The following FRYL variants were observed in gnomAD, a reference collection of about 807,000 sequenced individuals.
FRYL encodes the protein FRY like transcription coactivator.
A neutral mutation model predicts 351.2 loss-of-function variants in FRYL; 150 were observed. The ratio of observed to expected loss-of-function variants is 0.43; its 90% CI spans 0.37 to 0.49. The LOEUF (loss-of-function observed/expected upper bound fraction) is 0.49. Among genes scored for constraint, FRYL ranks in the 20% least tolerant of loss-of-function variants. FRYL has a pLI of 0.00. For synonymous variants in FRYL, 1,153 were observed against 1,257.1 expected, an observed-to-expected ratio of 0.92 and a Z score of 1.75; for missense variants, 3,036 against 3,619.3, an observed-to-expected ratio of 0.84 and a Z score of 4.13.
chr4:48,677,876 G>C (rs1337775759), intron 3 of FRYL, among the ~76,000 whole-genome samples: 2 of 152,008 alleles, frequency 1.3e-5, no homozygotes, highest in Non-Finnish European at 2.9e-5. Context: ...TCTCCTTTCA[G>C]TAAATGAACA....
chr4:48,552,284 T>TGTGTGTGTGTGTG, intron 36 of FRYL, among the ~76,000 whole-genome samples: 1 of 142,090 alleles, frequency 7.0e-6, no homozygotes, highest in African/African-American at 2.6e-5. Context: ...TGTGTGTGTG[T>TGTGTGTGTGTGTG]TCAGACACAC....
intron 60 of FRYL, among the ~76,000 whole-genome samples, chr4:48,504,439 T>A (rs949495947): frequency 6.6e-6 from 1 of 152,104 alleles, no homozygotes; most frequent in African/African-American, 2.4e-5. Flanking sequence ...TATAAACACC[T>A]AGTTTTTGTA....
At chr4:48,653,975 T>C (rs1290321978) in intron 3 of FRYL, 3 of 1,137,674 alleles carry the variant, frequency 2.6e-6, no homozygotes, top group Admixed American at 3.8e-5. Context: ...ACAACTATAG[T>C]GGAAATGCCG....
At chr4:48,545,837 TTC>T (rs1332688556) in intron 42 of FRYL, among the ~76,000 whole-genome samples, 2 of 152,232 alleles carry the variant, frequency 1.3e-5, no homozygotes, top group African/African-American at 4.8e-5. Context: ...ATAATACTCA[TTC>T]TCTTTGGCCA....
chr4:48,628,529 G>A (rs1007558020), intron 4 of FRYL, among the ~76,000 whole-genome samples: 5 of 151,606 alleles, frequency 3.3e-5, no homozygotes, highest in Non-Finnish European at 7.4e-5. Context: ...GAGGGGTAGG[G>A]GAAAGAGAGG....
chr4:48,521,031 C>A lies in FRYL; in HGVS notation c.7689+17G>T. ...AGAGCCCAGATTGGCCATGCACCAG[C>A]CTCCATTTCTCCCCACCTCAGGCAG... On this transcript the variant is annotated intron_variant, in intron 55 of 63. Transcript: ENST00000358350. 1 of 1,591,658 alleles carries A rather than the reference C, an allele frequency of 6.3e-7. No individual in the cohort carries two copies. The highest frequency in any genetic ancestry group is 8.6e-7 in the Non-Finnish European group (1 of 1,168,250).
chr4:48,576,305 T>A, intron 23 of FRYL, 83 bp from the exon 24 acceptor site: 13 of 218,744 alleles, frequency 5.9e-5, no homozygotes, highest in Non-Finnish European at 8.5e-5. Flanking sequence ...GCTAAATTTC[T>A]TTTTTTTTTT....
At chr4:48,515,334 ACAAT>A in intron 55 of FRYL, 59 bp from the exon 56 acceptor site, 1 of 1,273,198 alleles carries the variant, frequency 7.9e-7, no homozygotes, top group Non-Finnish European at 1.1e-6. Context: ...ATTTTACAAC[ACAAT>A]AAATAAGTAT....
At chr4:48,651,774 C>G (rs1192972096) in intron 3 of FRYL, among the ~76,000 whole-genome samples, 1 of 152,132 alleles carries the variant, frequency 6.6e-6, no homozygotes, top group East Asian at 1.9e-4. Context: ...AACCCCTCCC[C>G]CTATGAGTTG....
intron 32 of FRYL, among the ~76,000 whole-genome samples, chr4:48,562,426 A>G (rs547563074): frequency 6.6e-6 from 1 of 152,348 alleles, no homozygotes; most frequent in South Asian, 2.1e-4. Flanking sequence ...ATTATGAATT[A>G]GTTAAGTATT....
intron 43 of FRYL, 140 bp from the exon 44 acceptor site, chr4:48,544,137 T>C: frequency 1.5e-6 from 1 of 661,590 alleles, no homozygotes; most frequent in Non-Finnish European, 2.5e-6. Context: ...GCTTTTTCTT[T>C]GCTTAAACTC....
chr4:48,726,546 G>A (rs137889358), intron 1 of FRYL, among the ~76,000 whole-genome samples: 1 of 152,244 alleles, frequency 6.6e-6, no homozygotes, highest in African/African-American at 2.4e-5. Flanking sequence ...GCCAGGCATG[G>A]TGGCGTATGC....
intron 8 of FRYL, 30 bp from the exon 9 acceptor site, chr4:48,609,097 T>C: frequency 7.3e-7 from 1 of 1,375,712 alleles, no homozygotes; most frequent in Non-Finnish European, 1.0e-6. Context: ...AACATAACAT[T>C]TCATTAAATT....
intron 3 of FRYL, among the ~76,000 whole-genome samples, chr4:48,654,799 C>T (rs1197997342): frequency 2.0e-5 from 3 of 152,194 alleles, no homozygotes; most frequent in Admixed American, 2.0e-4. Context: ...AAAGCAGACG[C>T]TGTTAAAGCC....
chr4:48,540,408 G>A lies in FRYL; in HGVS notation c.6240C>T (p.Leu2080=), dbSNP rs1410113096. The A allele has an allele frequency of 6.2e-7, 1 of 1,613,798 alleles. No homozygotes were observed. Among genetic ancestry groups the A allele is most frequent in the South Asian group, 1.1e-5 (1 of 91,074 alleles). The part of the protein sequence containing the change: ...ASTQEMTVHL[L]SKLISVSKHT... ...GTTTGGAGACAGAAATGAGTTTACTGAGGAGGTGCACGGTCATTTCTTGTG... is the reference window on the plus strand; with the variant it reads ...GTTTGGAGACAGAAATGAGTTTACTAAGGAGGTGCACGGTCATTTCTTGTG... The change falls in exon 46 of 64, where the codon CTC becomes CTT. Residue 2080 remains leucine (L), a synonymous_variant. Transcript: ENST00000358350.
chr4:48,607,223 T>C (rs1347574418), intron 9 of FRYL, among the ~76,000 whole-genome samples: 3 of 151,948 alleles, frequency 2.0e-5, no homozygotes, highest in Non-Finnish European at 2.9e-5. Flanking sequence ...ATTATCCCCT[T>C]CCCCCCTATA....
chr4:48,500,299 A>C (rs1719259921), intron 62 of FRYL, 79 bp from the exon 63 acceptor site: 12 of 803,122 alleles, frequency 1.5e-5, no homozygotes, highest in Non-Finnish European at 2.1e-5. Context: ...AATATACCTG[A>C]TGGCAGTAGC....
chr4:48,719,215 C>T (rs1769198524), intron 1 of FRYL, among the ~76,000 whole-genome samples: 1 of 151,622 alleles, frequency 6.6e-6, no homozygotes, highest in South Asian at 2.1e-4. Context: ...ACTGCCAGCC[C>T]ATCTCCTGAA....
chr4:48,569,219 C>T (rs1210012709), intron 27 of FRYL, among the ~76,000 whole-genome samples: 1 of 152,172 alleles, frequency 6.6e-6, no homozygotes, highest in African/African-American at 2.4e-5. Context: ...TAATTTTTTG[C>T]ATCAAGCCCA....
Sources: allele counts gnomAD v4.1 joint callset (sites outside exome capture counted in the v4.1 genomes callset), GRCh38; gene constraint gnomAD v4.1.1; transcripts MANE v1.5; gene names NCBI Gene and HGNC (gene_info 2026-07-23, HGNC 2026-07-21).